Variants in CSNK2A2IP observed in about 807,000 individuals in gnomAD.
CSNK2A2IP encodes the protein casein kinase II subunit alpha'-interacting protein.
chr3:88,424,611 A>C, the CSNK2A2IP span, among the ~76,000 whole-genome samples: 1 of 152,282 alleles, frequency 6.6e-6, no homozygotes, highest in East Asian at 1.9e-4. Context: ...TTTTACATGG[A>C]AAGATTTCTA....
At chr3:88,464,968 A>ACATGTAGTGGCTGCAGCC in the CSNK2A2IP span, 1 of 160,484 alleles carries the variant, frequency 6.2e-6, no homozygotes, top group South Asian at 2.0e-4. Context: ...TGGCTGCAGC[A>ACATGTAGTGGCTGCAGCC]CATGTAGTGG....
At chr3:88,409,969 T>C in the CSNK2A2IP span, among the ~76,000 whole-genome samples, 1 of 152,054 alleles carries the variant, frequency 6.6e-6, no homozygotes, top group Non-Finnish European at 1.5e-5. Context: ...CTAAGGCCAT[T>C]GTCTGTGCCT....
chr3:88,359,534 G>A, the CSNK2A2IP span, among the ~76,000 whole-genome samples: 1 of 151,490 alleles, frequency 6.6e-6, no homozygotes, highest in Admixed American at 6.6e-5. Flanking sequence ...GTACTGCTTT[G>A]GCTGTACTCA....
the CSNK2A2IP span, among the ~76,000 whole-genome samples, chr3:88,382,338 A>T: frequency 6.6e-6 from 1 of 152,196 alleles, no homozygotes; most frequent in East Asian, 1.9e-4. Context: ...TCTGTGATAC[A>T]GTCAGAAGAG....
the CSNK2A2IP span, among the ~76,000 whole-genome samples, chr3:88,457,431 C>T: frequency 6.6e-6 from 1 of 151,890 alleles, no homozygotes; most frequent in African/African-American, 2.4e-5. Context: ...TATGGTGGCT[C>T]ACCCCTGTAA....
chr3:88,445,603 G>A, the CSNK2A2IP span, among the ~76,000 whole-genome samples: 1 of 151,962 alleles, frequency 6.6e-6, no homozygotes, highest in Non-Finnish European at 1.5e-5. Context: ...CTGTCATCCA[G>A]GCTGGAGTGC....
chr3:88,413,017 C>T, the CSNK2A2IP span, among the ~76,000 whole-genome samples: 1 of 151,920 alleles, frequency 6.6e-6, no homozygotes, highest in Non-Finnish European at 1.5e-5. Context: ...AAGTAGGTAT[C>T]CCTATTTTGG....
At chr3:88,348,784 A>C in the CSNK2A2IP span, among the ~76,000 whole-genome samples, 1 of 152,076 alleles carries the variant, frequency 6.6e-6, no homozygotes, top group Admixed American at 6.6e-5. Flanking sequence ...AGAGAATCAA[A>C]AAATAGTAAG....
the CSNK2A2IP span, among the ~76,000 whole-genome samples, chr3:88,343,824 C>T: frequency 1.3e-5 from 2 of 151,706 alleles, no homozygotes; most frequent in African/African-American, 2.4e-5. Flanking sequence ...CAAGTTAGTG[C>T]AATGTGCTCT....
the CSNK2A2IP span, among the ~76,000 whole-genome samples, chr3:88,399,059 G>T: frequency 6.6e-6 from 1 of 152,022 alleles, no homozygotes; most frequent in East Asian, 1.9e-4. Flanking sequence ...CAAACAAAAA[G>T]ATATAATTTT....
chr3:88,386,403 G>A, the CSNK2A2IP span, among the ~76,000 whole-genome samples: 11 of 152,172 alleles, frequency 7.2e-5, no homozygotes, highest in Admixed American at 5.9e-4. Context: ...TGGGATTACC[G>A]GCGTGAGCCA....
At chr3:88,390,026 G>A in the CSNK2A2IP span, among the ~76,000 whole-genome samples, 9 of 152,114 alleles carry the variant, frequency 5.9e-5, no homozygotes, top group Non-Finnish European at 7.4e-5. Context: ...AAAACGGCTC[G>A]TCAGAATCAG....
At chr3:88,346,978 T>A in the CSNK2A2IP span, among the ~76,000 whole-genome samples, 1 of 151,952 alleles carries the variant, frequency 6.6e-6, no homozygotes, top group Non-Finnish European at 1.5e-5. Context: ...TGGAAAGAGG[T>A]CAGATATCAC....
At chr3:88,376,805 A>G in the CSNK2A2IP span, among the ~76,000 whole-genome samples, 1 of 151,712 alleles carries the variant, frequency 6.6e-6, no homozygotes, top group Non-Finnish European at 1.5e-5. Context: ...TTTTATTCTA[A>G]GGTTACCAGC....
the CSNK2A2IP span, among the ~76,000 whole-genome samples, chr3:88,450,040 T>C: frequency 6.6e-6 from 1 of 151,002 alleles, no homozygotes; most frequent in African/African-American, 2.4e-5. Context: ...GCTAACTGTT[T>C]TGTATTTTTG....
the CSNK2A2IP span, among the ~76,000 whole-genome samples, chr3:88,428,928 A>G: frequency 6.6e-6 from 1 of 151,192 alleles, no homozygotes; most frequent in African/African-American, 2.4e-5. Context: ...GTGATTTATA[A>G]AACAATTAAC....
chr3:88,373,232 A>G, the CSNK2A2IP span, among the ~76,000 whole-genome samples: 1 of 151,480 alleles, frequency 6.6e-6, no homozygotes, highest in African/African-American at 2.4e-5. Flanking sequence ...ATTCTGAGCA[A>G]TAAAACACTG....
chr3:88,370,736 C>T, the CSNK2A2IP span, among the ~76,000 whole-genome samples: 2 of 151,114 alleles, frequency 1.3e-5, no homozygotes, highest in East Asian at 3.9e-4. Context: ...TGTTTGTGTC[C>T]CCCCAAATTT....
the CSNK2A2IP span, among the ~76,000 whole-genome samples, chr3:88,450,745 T>G: frequency 6.6e-6 from 1 of 152,066 alleles, no homozygotes; most frequent in South Asian, 2.1e-4. Flanking sequence ...CTTTATCCAT[T>G]CATCCCTTCA....
Sources: gnomAD v4.1 joint callset for allele counts (sites outside exome capture counted in the v4.1 genomes callset) on GRCh38, gnomAD v4.1.1 for gene constraint, MANE v1.5 for transcripts, NCBI Gene and HGNC (gene_info 2026-07-23, HGNC 2026-07-21) for gene names.